CTNND2: variants seen among roughly 807,000 people sequenced by gnomAD.
CTNND2 encodes catenin delta-2.
A neutral mutation model predicts 144.4 loss-of-function variants in CTNND2; 22 were observed. The ratio of observed to expected loss-of-function variants is 0.15; its 90% CI spans 0.11 to 0.22. CTNND2 has a LOEUF of 0.22. CTNND2 is among the 10% of genes least tolerant of loss of function. CTNND2 has a pLI of 1.00. For missense variants in CTNND2, 1,353 were observed against 1,618.8 expected, an observed-to-expected ratio of 0.84 and a Z score of 2.82; for synonymous variants, 751 against 695.6, an observed-to-expected ratio of 1.08 and a Z score of -1.25.
At chr5:11,678,032 G>C (rs114939656) in intron 2 of CTNND2, among the ~76,000 whole-genome samples, 233 of 152,290 alleles carry the variant, frequency 1.5e-3, no homozygotes, top group African/African-American at 5.5e-3. Flanking sequence ...CTTCCTGATA[G>C]TAGGAAAAAT....
chr5:11,315,767 T>C (rs1751416127), intron 9 of CTNND2, among the ~76,000 whole-genome samples: 1 of 152,230 alleles, frequency 6.6e-6, no homozygotes, highest in Non-Finnish European at 1.5e-5. Flanking sequence ...TTACCCTACC[T>C]ATGGAAGTGG....
intron 12 of CTNND2, among the ~76,000 whole-genome samples, chr5:11,156,622 C>T (rs1758241809): frequency 6.6e-6 from 1 of 152,096 alleles, no homozygotes; most frequent in African/African-American, 2.4e-5. Flanking sequence ...ACTGGAAAAA[C>T]AATGTCAACA....
intron 11 of CTNND2, among the ~76,000 whole-genome samples, chr5:11,171,207 C>T (rs1759867759): frequency 6.6e-6 from 1 of 152,074 alleles, no homozygotes; most frequent in African/African-American, 2.4e-5. Context: ...AAATCCTGAC[C>T]ACAACCTTAG....
At chr5:11,657,550 T>C (rs145561804) in intron 2 of CTNND2, among the ~76,000 whole-genome samples, 2 of 152,122 alleles carry the variant, frequency 1.3e-5, no homozygotes, top group Admixed American at 6.6e-5. Flanking sequence ...AAATTCAAAG[T>C]GTCTCAGGTT....
At chr5:11,391,477 C>T (rs1759624580) in intron 6 of CTNND2, among the ~76,000 whole-genome samples, 1 of 152,280 alleles carries the variant, frequency 6.6e-6, no homozygotes, top group South Asian at 2.1e-4. Flanking sequence ...AACAAATCTA[C>T]ATCCCCAAAT....
intron 3 of CTNND2, among the ~76,000 whole-genome samples, chr5:11,481,318 G>A (rs958644719): frequency 6.6e-6 from 1 of 152,132 alleles, no homozygotes; most frequent in African/African-American, 2.4e-5. Flanking sequence ...TCCCCCATAA[G>A]TCTTGCACCT....
At chr5:11,374,519 G>A (rs896562227) in intron 7 of CTNND2, among the ~76,000 whole-genome samples, 6 of 152,066 alleles carry the variant, frequency 3.9e-5, no homozygotes, top group Non-Finnish European at 8.8e-5. Context: ...GATGCAGGGC[G>A]ATCTATGACT....
chr5:11,586,701 G>T (rs1251804916), intron 2 of CTNND2, among the ~76,000 whole-genome samples: 4 of 152,146 alleles, frequency 2.6e-5, no homozygotes, highest in Non-Finnish European at 4.4e-5. Context: ...TAATTGTGTG[G>T]ATAAAATTTG....
At chr5:10,986,606 T>C (rs1737987914) in intron 20 of CTNND2, 3 of 430,218 alleles carry the variant, frequency 7.0e-6, no homozygotes, top group South Asian at 3.1e-5. Context: ...CGCGGCAACA[T>C]GTAAGGGGAA....
intron 7 of CTNND2, among the ~76,000 whole-genome samples, chr5:11,375,204 T>C (rs1185011757): frequency 1.3e-5 from 2 of 152,172 alleles, no homozygotes; most frequent in African/African-American, 4.8e-5. Flanking sequence ...GTATTCTCCC[T>C]ATATCATTTT....
chr5:11,811,169 A>G (rs1792311661), intron 1 of CTNND2, among the ~76,000 whole-genome samples: 1 of 152,174 alleles, frequency 6.6e-6, no homozygotes, highest in Admixed American at 6.5e-5. Context: ...GATGGAATTG[A>G]CTGCACTGCT....
In CTNND2 at chr5:10,972,127, G is replaced by A. The variant is rs1044017575; in HGVS notation, c.*1326C>T. The A allele has an allele frequency of 6.6e-6, 1 of 152,638 alleles. No homozygotes were observed. The allele number at this position is 152,638 out of a possible 1,614,324, so 9.5% of individuals were successfully genotyped here. ...TTTTCTGTGGATACTTCAAGTAATT[G>A]GCCCCAAAGTGAAACTGAATTGGCC... On this transcript the variant is annotated 3_prime_UTR_variant, in exon 22 of 22. Transcript: ENST00000304623.
chr5:11,083,473 T>C (rs980017828), intron 15 of CTNND2, among the ~76,000 whole-genome samples: 20 of 152,260 alleles, frequency 1.3e-4, no homozygotes, highest in African/African-American at 4.6e-4. Flanking sequence ...CATAATTCAA[T>C]GTCTTCTTTA....
intron 2 of CTNND2, among the ~76,000 whole-genome samples, chr5:11,637,945 G>C (rs981099901): frequency 1.3e-5 from 2 of 152,008 alleles, no homozygotes; most frequent in African/African-American, 2.4e-5. Context: ...AACGAATACC[G>C]TATCAGTCAT....
At chr5:11,664,697 G>C (rs559004302) in intron 2 of CTNND2, among the ~76,000 whole-genome samples, 2 of 152,200 alleles carry the variant, frequency 1.3e-5, no homozygotes, top group South Asian at 2.1e-4. Context: ...ATGGCCTTCG[G>C]GTTGAGATCC....
At chr5:11,055,791 G>C (rs1039184861) in intron 16 of CTNND2, among the ~76,000 whole-genome samples, 5 of 152,150 alleles carry the variant, frequency 3.3e-5, no homozygotes, top group Non-Finnish European at 7.3e-5. Flanking sequence ...GGAGGAGCAA[G>C]AGACAGAGAG....
At chr5:11,877,148 T>A (rs1307151506) in intron 1 of CTNND2, among the ~76,000 whole-genome samples, 1 of 152,154 alleles carries the variant, frequency 6.6e-6, no homozygotes, top group Non-Finnish European at 1.5e-5. Flanking sequence ...TTTTAATTCC[T>A]GGTTCACTAA....
intron 2 of CTNND2, among the ~76,000 whole-genome samples, chr5:11,657,915 A>T (rs1490725299): frequency 6.6e-6 from 1 of 152,120 alleles, no homozygotes; most frequent in East Asian, 1.9e-4. Context: ...ATTTTGAATG[A>T]TACAAAAACC....
intron 9 of CTNND2, among the ~76,000 whole-genome samples, chr5:11,274,052 C>G (rs1746280811): frequency 6.6e-6 from 1 of 152,132 alleles, no homozygotes; most frequent in Non-Finnish European, 1.5e-5. Context: ...CTCTCCTTGT[C>G]TCCTGCTCTC....
Sources: gnomAD v4.1 joint callset for allele counts (sites outside exome capture counted in the v4.1 genomes callset) on GRCh38, gnomAD v4.1.1 for gene constraint, MANE v1.5 for transcripts, NCBI Gene and HGNC (gene_info 2026-07-23, HGNC 2026-07-21) for gene names.